Variants in CIT observed in about 807,000 individuals in gnomAD.
CIT encodes citron rho-interacting serine/threonine kinase.
Under a neutral mutation model 272.7 loss-of-function variants are expected in CIT, and 79 were observed. The ratio of observed to expected loss-of-function variants is 0.29; its 90% CI spans 0.24 to 0.35. The LOEUF is 0.35. Among genes scored for constraint, CIT ranks in the 10% least tolerant of loss-of-function variants. The probability of loss-of-function intolerance (pLI) is 1.00; values close to 1 mark genes in which losing one functional copy is unlikely to be tolerated. For missense variants in CIT, 1,909 were observed against 2,618.3 expected (o/e 0.73, Z 5.91); for synonymous variants, 948 against 995.6 (o/e 0.95, Z 0.90).
intron 9 of CIT, among the ~76,000 whole-genome samples, chr12:119,810,503 CA>C (rs1376701483): frequency 6.6e-6 from 1 of 151,778 alleles, no homozygotes; most frequent in Non-Finnish European, 1.5e-5. Context: ...AGTTTGAGAC[CA>C]ACCTGGCCAA....
rs1955844186 is a variant in CIT, at chr12:119,690,009, C to T, written c.6186+142G>A. On this transcript the variant is annotated intron_variant, in intron 47 of 47. Coordinates refer to ENST00000392521, the MANE Select transcript of CIT (RefSeq NM_001206999.2). The surrounding 1 kb of genome is among the most constrained non-coding windows in gnomAD (Gnocchi z 6.0). ...GCTATTTCTTAAGGTACATTTTCTT[C>T]CTAAATTCCTGTGTCTCGCAAAGTC... 2.5e-6 allele frequency: 2 copies of T among 806,438 alleles called. No individual in the cohort carries two copies. The highest frequency in any genetic ancestry group is 1.7e-6 in the Non-Finnish European group (1 of 583,360). 50.0% of individuals were successfully genotyped at this position (806,438 alleles called of 1,614,324 possible).
At chr12:119,840,772 G>T (rs1969356626) in intron 5 of CIT, among the ~76,000 whole-genome samples, 1 of 152,186 alleles carries the variant, frequency 6.6e-6, no homozygotes, top group Non-Finnish European at 1.5e-5. Flanking sequence ...TTTGAGACAT[G>T]CCTGAAAAAT....
chr12:119,775,817 T>C lies in CIT; in HGVS notation c.1910A>G (p.Lys637Arg). ...LEKINAEQQL[K>R]IQELQEKLEK... ...CAGTTTCTCTTGGAGCTCCTGAATT[T>C]TGAGCTGCTGCTCAGCATTGATCTA... The change falls in exon 16 of 48, where the codon AAA becomes AGA. Residue 637 changes from lysine to arginine, a missense_variant. Lys to Arg is a conservative substitution (Grantham distance 26, BLOSUM62 2). This residue lies in a region of CIT where 530 missense variants were observed against 822.4 expected (regional missense o/e 0.64). Transcript: ENST00000392521. 1 of 1,613,992 alleles carries C rather than the reference T, an allele frequency of 6.2e-7. No individual in the cohort carries two copies. Among genetic ancestry groups the C allele is most frequent in the Non-Finnish European group, 8.5e-7 (1 of 1,179,908 alleles).
At chr12:119,777,529 G>A (rs1963881874) in intron 13 of CIT, among the ~76,000 whole-genome samples, 1 of 151,670 alleles carries the variant, frequency 6.6e-6, no homozygotes, top group Non-Finnish European at 1.5e-5. Context: ...AATTAGCCAG[G>A]TGTGGTGGTG....
At chr12:119,741,673 C>T (rs1959065307) in intron 24 of CIT, among the ~76,000 whole-genome samples, 1 of 152,042 alleles carries the variant, frequency 6.6e-6, no homozygotes, top group East Asian at 1.9e-4. Context: ...GACAAGATCA[C>T]TGAGGACTAA....
Position 119,857,559 on chromosome 12 carries a change from T to G in CIT, c.378A>C (p.Lys126Asn). 1 of 1,614,192 alleles carries G rather than the reference T, an allele frequency of 6.2e-7. No individual in the cohort carries two copies. Among genetic ancestry groups the G allele is most frequent in the African/African-American group, 1.3e-5 (1 of 75,040 alleles). ...CCAATAAAGCCTTCTTCTTCATCAC[T>G]TTCATAGCATAGATGTCCCCGGTTG... Reference protein sequence around the residue: ...EKATGDIYAMKVMKKKALLAQ... With the variant: ...EKATGDIYAMNVMKKKALLAQ... The change falls in exon 4 of 48, where the codon AAA (lysine) becomes AAC (asparagine). Residue 126 changes from lysine (K) to asparagine (N), a missense_variant. By Grantham distance (94) the Lys-to-Asn change is moderately conservative. Coordinates refer to ENST00000392521, the MANE Select transcript of CIT (RefSeq NM_001206999.2).
At position 119,804,496 on chromosome 12, in the gene CIT, G is replaced by A. The variant is rs1966477380; in HGVS notation, c.1112-1107C>T. The A allele has an allele frequency of 1.0e-6, 1 of 985,560 alleles. No homozygotes were observed. Among genetic ancestry groups the A allele is most frequent in the South Asian group, 4.7e-5 (1 of 21,282 alleles). The allele number at this position is 985,560 out of a possible 1,614,324, so 61.1% of individuals were successfully genotyped here. ...GGGGCCAGTGCTGATCCCAGTGACAGAGCAGCATGAGTCACTGCCCGCCAG... is the reference window on the plus strand; with the variant it reads ...GGGGCCAGTGCTGATCCCAGTGACAAAGCAGCATGAGTCACTGCCCGCCAG... On this transcript the variant is annotated intron_variant, in intron 9 of 47. Coordinates refer to ENST00000392521, the MANE Select transcript of CIT (RefSeq NM_001206999.2). The surrounding 1 kb of genome is among the most constrained non-coding windows in gnomAD (Gnocchi z 5.3).
At position 119,876,132 on chromosome 12, in the gene CIT, C is replaced by G. The variant is rs1370272918; in HGVS notation, c.37G>C (p.Asp13His). The change falls in exon 2 of 48, where the codon GAT becomes CAT. Residue 13 changes from aspartate to histidine, a missense_variant. Around this residue, in one of 8 missense-constraint regions of CIT, gnomAD observed 529 missense variants for 549.6 expected, o/e 0.96. Transcript: ENST00000392521. ...KFKYGARNPLDAGAAEPIASR... is the reference protein window; with the variant it reads ...KFKYGARNPLHAGAAEPIASR... ...GCAATGGGTTCAGCAGCACCAGCAT[C>G]CAAAGGATTCCGCGCTCCATATTTG... 2 of 1,613,832 alleles carry G rather than the reference C, an allele frequency of 1.2e-6. No individual in the cohort carries two copies. The highest frequency in any genetic ancestry group is 1.7e-5 in the Admixed American group (1 of 59,966).
chr12:119,737,785 A>C (rs1439171578), intron 24 of CIT, among the ~76,000 whole-genome samples: 2 of 152,162 alleles, frequency 1.3e-5, no homozygotes, highest in African/African-American at 4.8e-5. Context: ...CCATGCCGAG[A>C]TTGAAGGCAT....
chr12:119,858,991 A>G (rs562895278), intron 3 of CIT, among the ~76,000 whole-genome samples: 26 of 152,342 alleles, frequency 1.7e-4, no homozygotes, highest in African/African-American at 6.3e-4. Flanking sequence ...TTTCAGTCAG[A>G]GATCCTCAAC....
chr12:119,735,206 C>A lies in CIT; in HGVS notation c.3110G>T (p.Arg1037Leu), dbSNP rs538911447. The change falls in exon 25 of 48, where the codon CGC becomes CTC. Residue 1037 changes from arginine (R) to leucine (L), a missense_variant. By Grantham distance (102) the Arg-to-Leu change is moderately radical. Around this residue, in one of 8 missense-constraint regions of CIT, gnomAD observed 530 missense variants for 822.4 expected, o/e 0.64. Transcript: ENST00000392521. The part of the protein sequence containing the change: ...VQLRSEVDHL[R>L]REITEREMQL... ...CATCTCTCGTTCCGTGATCTCCCGG[C>A]GGAGATGGTCCACTTCACTTCGCAG... 2.5e-6 allele frequency: 4 copies of A among 1,614,130 alleles called. No homozygotes were observed. The highest frequency in any genetic ancestry group is 3.4e-6 in the Non-Finnish European group (4 of 1,180,036).
intron 9 of CIT, among the ~76,000 whole-genome samples, chr12:119,819,546 C>T (rs921160528): frequency 6.6e-6 from 1 of 152,206 alleles, no homozygotes; most frequent in African/African-American, 2.4e-5. Context: ...CTGTGTTAAG[C>T]AGTACTTCCT....
intron 24 of CIT, among the ~76,000 whole-genome samples, chr12:119,741,462 C>G (rs1959054928): frequency 6.6e-6 from 1 of 152,110 alleles, no homozygotes; most frequent in Admixed American, 6.5e-5. Context: ...GAGCTGTATA[C>G]TTAAAATTAC....
At chr12:119,757,303 G>T in intron 22 of CIT, 68 bp downstream of exon 22, 1 of 1,578,890 alleles carries the variant, frequency 6.3e-7, no homozygotes, top group Non-Finnish European at 8.6e-7. Context: ...ATTTGTGCTC[G>T]AAAGCTGACT....
intron 43 of CIT, chr12:119,701,049 A>G (rs1593391011): frequency 3.7e-6 from 1 of 270,518 alleles, no homozygotes; most frequent in East Asian, 6.7e-5. Context: ...TATTAAAGAA[A>G]GAGAACTCAA....
chr12:119,727,866 G>A (rs1010826392), intron 28 of CIT, among the ~76,000 whole-genome samples: 10 of 152,060 alleles, frequency 6.6e-5, no homozygotes, highest in African/African-American at 2.2e-4. Context: ...GGAAGTCAAG[G>A]CTGCAGTGAG....
chr12:119,720,962 C>G (rs1317019818), intron 29 of CIT, among the ~76,000 whole-genome samples: 1 of 152,014 alleles, frequency 6.6e-6, no homozygotes, highest in African/African-American at 2.4e-5. Context: ...CCTCTGCAGA[C>G]TTATTTATTT....
rs766361353 is a variant in CIT at position 119,718,149 on chromosome 12, T to A, written c.4168+96A>T. ...GCCACCGTGCCTGGCCAAGACTGAC[T>A]TTTTAATCTTTAACCCCTAGTATTA... is the stretch of plus-strand genomic sequence containing the variant. On this transcript the variant is annotated intron_variant, in intron 32 of 47. Coordinates refer to ENST00000392521, the MANE Select transcript of CIT (RefSeq NM_001206999.2). The surrounding 1 kb of genome is among the most constrained non-coding windows in gnomAD (Gnocchi z 4.8). 1 of 1,410,228 alleles carries A rather than the reference T, an allele frequency of 7.1e-7. No individual in the cohort carries two copies. The highest frequency in any genetic ancestry group is 9.5e-7 in the Non-Finnish European group (1 of 1,054,780). The allele number at this position is 1,410,228 out of a possible 1,614,324, so 87.4% of individuals were successfully genotyped here. A position where few individuals can be genotyped will look rare whatever the true frequency, so the allele number is the denominator to read the frequency against.
intron 28 of CIT, among the ~76,000 whole-genome samples, chr12:119,723,197 G>A (rs555509642): frequency 2.0e-5 from 3 of 152,234 alleles, no homozygotes; most frequent in African/African-American, 7.2e-5. Context: ...CGCAGCATGA[G>A]TGATTTCTTC....
Sources: gnomAD v4.1 joint callset for allele counts (sites outside exome capture counted in the v4.1 genomes callset) on GRCh38, gnomAD v4.1.1 for gene constraint, gnomAD v4.1.1 regional missense constraint, Gnocchi (gnomAD v3.1) non-coding constraint, MANE v1.5 for transcripts, NCBI Gene and HGNC (gene_info 2026-07-23, HGNC 2026-07-21) for gene names.